Variants in YY1AP1 observed in about 807,000 individuals in gnomAD.
The protein encoded by YY1AP1 is YY1-associated protein 1.
In YY1AP1, 43 loss-of-function variants were observed where a neutral mutation model predicts 39.9. The observed-to-expected ratio is 1.08, with a 90% CI of 0.84 to 1.39. YY1AP1 has a LOEUF of 1.39. YY1AP1 is among the 40% of genes most tolerant of loss of function. The pLI is 0.00. For synonymous variants in YY1AP1, 292 were observed against 331.3 expected (o/e 0.88, Z 1.29); for missense variants, 813 against 900.7 (o/e 0.90, Z 1.25).
chr1:155,660,629 G>A lies in YY1AP1; in HGVS notation c.1281C>T (p.Phe427=). The change falls in exon 11 of 11, where the codon TTC becomes TTT. Residue 427 remains phenylalanine, a synonymous_variant. Transcript: ENST00000355499. The part of the protein sequence containing the change: ...IQPSPSLQPS[F]NPGKTPAQST... Reference sequence around the variant, plus strand: ...ATTGGGCTGGTGTTTTCCCAGGGTTGAAGCTGGGCTGGAGAGAGGGGCTGG... The same window carrying A: ...ATTGGGCTGGTGTTTTCCCAGGGTTAAAGCTGGGCTGGAGAGAGGGGCTGG... 2 of 1,614,208 alleles carry A rather than the reference G, an allele frequency of 1.2e-6. No individual in the cohort carries two copies. The highest frequency in any genetic ancestry group is 1.7e-5 in the Admixed American group (1 of 60,024).
chr1:155,683,272 T>C (rs1651775077), intron 2 of YY1AP1, among the ~76,000 whole-genome samples: 1 of 152,156 alleles, frequency 6.6e-6, no homozygotes, highest in Non-Finnish European at 1.5e-5. Flanking sequence ...TCTTAGTACC[T>C]GGAATAGTGC....
At position 155,660,428 on chromosome 1, in the gene YY1AP1, G is replaced by C; in HGVS notation, c.1482C>G (p.Phe494Leu). Residue 494 changes from phenylalanine to leucine, a missense_variant, in exon 11 of 11, where the codon TTC becomes TTG. By Grantham distance (22) the Phe-to-Leu change is conservative (BLOSUM62 0). Around this residue, in one of 3 missense-constraint regions of YY1AP1, gnomAD observed 586 missense variants for 647.4 expected, o/e 0.91. Transcript: ENST00000355499. ...PAMPPEARTS[F>L]PLSESQTLLS... is the part of the protein sequence containing the mutation. ...GCAAAGTCTGGGACTCAGACAGAGGGAAGCTTGTCCTGGCCTCAGGGGGCA... is the reference window on the plus strand; with the variant it reads ...GCAAAGTCTGGGACTCAGACAGAGGCAAGCTTGTCCTGGCCTCAGGGGGCA... 1 of 1,614,158 alleles carries C rather than the reference G, an allele frequency of 6.2e-7. No individual in the cohort carries two copies. Among genetic ancestry groups the C allele is most frequent in the Non-Finnish European group, 8.5e-7 (1 of 1,180,038 alleles).
intron 9 of YY1AP1, among the ~76,000 whole-genome samples, chr1:155,664,195 T>A (rs905145692): frequency 6.6e-6 from 1 of 151,786 alleles, no homozygotes; most frequent in African/African-American, 2.4e-5. Flanking sequence ...GAAAATGAAG[T>A]GAGGCCCTTA....
chr1:155,660,996 GA>G, intron 10 of YY1AP1, 83 bp from the exon 11 acceptor site: 1 of 1,603,894 alleles, frequency 6.2e-7, no homozygotes, highest in African/African-American at 1.3e-5. Context: ...AGGGACCTGA[GA>G]CAAGCTCAAG....
In YY1AP1 at chr1:155,661,338, C is replaced by T. The variant is rs953442771; in HGVS notation, c.965G>A (p.Arg322Lys). Residue 322 changes from arginine (R) to lysine (K), a missense_variant, in exon 10 of 11, where the codon AGA becomes AAA. Arg to Lys is a conservative substitution (Grantham distance 26, BLOSUM62 2). Transcript: ENST00000355499. ...QPHQWKPPIE[R>K]EEHRLPFWLK... ...CCAGAATGGGAGCCGGTGTTCTTCT[C>T]TCTCTATAGGTGGCTTCCACTGATG... The T allele has an allele frequency of 4.3e-6, 7 of 1,613,786 alleles. No homozygotes were observed. In the African/African-American group the frequency reaches 9.3e-5, roughly 22 times the overall value.
Position 155,659,581 on chromosome 1 carries a change from A to G in YY1AP1, c.*76T>C. The G allele has an allele frequency of 6.5e-7, 1 of 1,539,424 alleles. No individual in the cohort carries two copies. Among genetic ancestry groups the G allele is most frequent in the Non-Finnish European group, 8.8e-7 (1 of 1,131,428 alleles). On this transcript the variant is annotated 3_prime_UTR_variant, in exon 11 of 11. Coordinates refer to ENST00000355499, the MANE Select transcript of YY1AP1 (RefSeq NM_139119.3). ...TTTAAGTACCCTTTAGGGGTTTCCTATTGGTTACACCCTATGCGCCACCAA... is the reference window on the plus strand; with the variant it reads ...TTTAAGTACCCTTTAGGGGTTTCCTGTTGGTTACACCCTATGCGCCACCAA...
At chr1:155,663,139 G>A (rs541096162) in intron 9 of YY1AP1, among the ~76,000 whole-genome samples, 1 of 152,168 alleles carries the variant, frequency 6.6e-6, no homozygotes, top group South Asian at 2.1e-4. Context: ...TTGGGAGGCC[G>A]AGGCAGGCAG....
At chr1:155,674,989 T>C in intron 6 of YY1AP1, 21 bp downstream of exon 6, 1 of 1,600,486 alleles carries the variant, frequency 6.2e-7, no homozygotes, top group Non-Finnish European at 8.6e-7. Context: ...TCTATAGAAT[T>C]ACGGCAATTT....
intron 3 of YY1AP1, 97 bp downstream of exon 3, chr1:155,680,319 T>C (rs1176004345): frequency 1.1e-5 from 15 of 1,396,334 alleles, no homozygotes; most frequent in Non-Finnish European, 1.5e-5. Flanking sequence ...ATTGGTTCAG[T>C]CCCTCTTCTA....
intron 9 of YY1AP1, among the ~76,000 whole-genome samples, chr1:155,668,015 T>C (rs902108172): frequency 6.6e-5 from 10 of 151,164 alleles, no homozygotes; most frequent in African/African-American, 2.4e-4. Context: ...TGAGAAAAAG[T>C]ATATAGGCTG....
intron 2 of YY1AP1, among the ~76,000 whole-genome samples, chr1:155,682,206 G>T (rs1372765649): frequency 1.3e-5 from 2 of 151,630 alleles, no homozygotes; most frequent in African/African-American, 4.8e-5. Flanking sequence ...CATGTTAATG[G>T]GTAAAGAGCT....
At chr1:155,678,491 G>C (rs1358554779) in intron 4 of YY1AP1, among the ~76,000 whole-genome samples, 1 of 152,064 alleles carries the variant, frequency 6.6e-6, no homozygotes, top group African/African-American at 2.4e-5. Flanking sequence ...AGGATGAATG[G>C]TTCCATTCTG....
upstream of YY1AP1, chr1:155,688,795 C>T: frequency 6.5e-7 from 1 of 1,547,948 alleles, no homozygotes; most frequent in East Asian, 2.4e-5. Context: ...CGTGCGCCTC[C>T]CACAGTCCCC....
At position 155,660,088 on chromosome 1, in the gene YY1AP1, G is replaced by A. The variant is rs1558295224; in HGVS notation, c.1822C>T (p.Leu608Phe). The A allele has an allele frequency of 6.2e-7, 1 of 1,614,206 alleles. No homozygotes were observed. Among genetic ancestry groups the A allele is most frequent in the Non-Finnish European group, 8.5e-7 (1 of 1,180,042 alleles). The change falls in exon 11 of 11, where the codon CTT becomes TTT. Residue 608 changes from leucine (L) to phenylalanine (F), a missense_variant. Around this residue, in one of 3 missense-constraint regions of YY1AP1, gnomAD observed 586 missense variants for 647.4 expected, o/e 0.91. Transcript: ENST00000355499. ...TSFPCPLNQP[L>F]VASSVSPLIV... Reference sequence around the variant, plus strand: ...AAGGGTGAGACAGAGGAGGCCACAAGGGGCTGGTTCAATGGACAGGGGAAG... The same window carrying A: ...AAGGGTGAGACAGAGGAGGCCACAAAGGGCTGGTTCAATGGACAGGGGAAG...
intron 5 of YY1AP1, among the ~76,000 whole-genome samples, chr1:155,675,570 C>T (rs562097604): frequency 6.6e-6 from 1 of 152,106 alleles, no homozygotes; most frequent in African/African-American, 2.4e-5. Flanking sequence ...ATGATTCACC[C>T]GCCTTGGCCT....
In YY1AP1 at chr1:155,672,678, G is replaced by A. The variant is rs1650043415; in HGVS notation, c.465C>T (p.Asn155=). The change falls in exon 7 of 11, where the codon AAC becomes AAT. Residue 155 remains asparagine, a synonymous_variant. Coordinates refer to ENST00000355499, the MANE Select transcript of YY1AP1 (RefSeq NM_139119.3). ...GTTGGAACAGGGTCTGAAACTTGGG[G>A]TTGTACTGATGGTGAAGGGCGATGG... ...QSSIALHHQY[N]PKFQTLFQPC... is the part of the protein sequence containing the mutation. 6.2e-7 allele frequency: 1 copy of A among 1,614,172 alleles called. No homozygotes were observed. Among genetic ancestry groups the A allele is most frequent in the Non-Finnish European group, 8.5e-7 (1 of 1,180,030 alleles).
At chr1:155,674,160 CAAAA>C (rs59337809) in intron 6 of YY1AP1, among the ~76,000 whole-genome samples, 5 of 73,630 alleles carry the variant, frequency 6.8e-5, no homozygotes, top group Admixed American at 4.0e-4. Context: ...GACTCCGTCT[CAAAA>C]AAAAAAAAAA....
chr1:155,659,500 A>G lies in YY1AP1; in HGVS notation c.*157T>C. On this transcript the variant is annotated 3_prime_UTR_variant, in exon 11 of 11. Coordinates refer to ENST00000355499, the MANE Select transcript of YY1AP1 (RefSeq NM_139119.3). ...TTATTGAAGCAAAAGTATATTCCAC[A>G]GAGTGGGAGCAGGCTAAAGCAAGCT... 1.4e-6 allele frequency: 1 copy of G among 703,760 alleles called. No individual in the cohort carries two copies. The highest frequency in any genetic ancestry group is 2.5e-6 in the Non-Finnish European group (1 of 406,970). 43.6% of individuals were successfully genotyped at this position (703,760 alleles called of 1,614,324 possible).
rs664688 is a variant in YY1AP1 at position 155,672,752 on chromosome 1, G to A, written c.412-21C>T. 4 of 1,614,172 alleles carry A rather than the reference G, an allele frequency of 2.5e-6. No homozygotes were observed. The South Asian group carries it at 3.3e-5, about 13-fold the overall frequency. ...TCTTTCTGGGAAAACACGACACAAG[G>A]AAGATCTAAGACAATTCCAGACAAT... is the stretch of plus-strand genomic sequence containing the variant. On this transcript the variant is annotated intron_variant, in intron 6 of 10. Coordinates refer to ENST00000355499, the MANE Select transcript of YY1AP1 (RefSeq NM_139119.3).
Sources: allele counts gnomAD v4.1 joint callset (sites outside exome capture counted in the v4.1 genomes callset), GRCh38; gene constraint gnomAD v4.1.1; regional missense constraint gnomAD v4.1.1; transcripts MANE v1.5; gene names NCBI Gene and HGNC (gene_info 2026-07-23, HGNC 2026-07-21).